Variants in D2HGDH observed in about 807,000 individuals in gnomAD.
The protein encoded by D2HGDH is D-2-hydroxyglutarate dehydrogenase.
Under a neutral mutation model 46.9 loss-of-function variants are expected in D2HGDH, and 31 were observed. The observed-to-expected ratio is 0.66, with a 90% CI of 0.50 to 0.89. The LOEUF is 0.89. D2HGDH is among the 40% of genes least tolerant of loss of function. The pLI is 0.00. For synonymous variants in D2HGDH, 364 were observed against 332.6 expected (o/e 1.09, Z -1.03); for missense variants, 698 against 720.8 (o/e 0.97, Z 0.36).
intron 9 of D2HGDH, among the ~76,000 whole-genome samples, chr2:241,756,605 T>TC (rs1559392550): frequency 6.6e-6 from 1 of 152,234 alleles, no homozygotes; most frequent in Non-Finnish European, 1.5e-5. Context: ...CACTGCAACC[T>TC]CCATCTTCTG....
chr2:241,742,292 C>T lies in D2HGDH; in HGVS notation c.351-143C>T. ...CCTCAGAATCCCTCACATGCGTGGG[C>T]TGGGGAGGAGCCCCCGCTGAGGCTG... On this transcript the variant is annotated intron_variant, in intron 3 of 9. Transcript: ENST00000321264. The surrounding 1 kb of genome is among the most constrained non-coding windows in gnomAD (Gnocchi z 4.8). 1 of 1,127,682 alleles carries T rather than the reference C, an allele frequency of 8.9e-7. No homozygotes were observed. Among genetic ancestry groups the T allele is most frequent in the East Asian group, 2.6e-5 (1 of 38,452 alleles). 69.9% of individuals were successfully genotyped at this position (1,127,682 alleles called of 1,614,324 possible).
At chr2:241,764,770 C>T (rs1445661332) in intron 9 of D2HGDH, among the ~76,000 whole-genome samples, 1 of 152,228 alleles carries the variant, frequency 6.6e-6, no homozygotes, top group Admixed American at 6.5e-5. Flanking sequence ...CCTCGGTGTG[C>T]AGCTCTGCGT....
intron 8 of D2HGDH, among the ~76,000 whole-genome samples, chr2:241,753,616 G>A (rs2125150017): frequency 6.6e-6 from 1 of 152,324 alleles, no homozygotes; most frequent in Middle Eastern, 3.4e-3. Flanking sequence ...GTGTTCAACG[G>A]GGGACACTCA....
intron 2 of D2HGDH, 78 bp from the exon 3 acceptor site, chr2:241,740,955 G>T: frequency 6.5e-6 from 8 of 1,225,306 alleles, no homozygotes; most frequent in South Asian, 1.3e-5. Context: ...AAAAAAACTC[G>T]CTCTCTGGGG....
At chr2:241,741,233 G>T (rs1041019356) in intron 3 of D2HGDH, 143 bp downstream of exon 3, 4 of 783,772 alleles carry the variant, frequency 5.1e-6, no homozygotes, top group African/African-American at 1.7e-5. Context: ...TTGTTCTGTG[G>T]TTTTTCGGTG....
intron 9 of D2HGDH, among the ~76,000 whole-genome samples, chr2:241,759,757 G>A (rs376229862): frequency 5.9e-5 from 9 of 151,944 alleles, no homozygotes; most frequent in African/African-American, 1.2e-4. Context: ...GCTTTTTGCC[G>A]TTTACTAACT....
chr2:241,736,978 T>C (rs373042807), intron 2 of D2HGDH, among the ~76,000 whole-genome samples: 1 of 152,016 alleles, frequency 6.6e-6, no homozygotes, highest in South Asian at 2.1e-4. Context: ...TTTTTCTTTT[T>C]GTTTTTTTGA....
At chr2:241,748,935 C>T (rs990559095) in intron 6 of D2HGDH, 2 of 1,293,422 alleles carry the variant, frequency 1.5e-6, no homozygotes, top group Non-Finnish European at 1.0e-6. Flanking sequence ...CTGCTCTTCG[C>T]ACTCCAGGTC....
At chr2:241,737,388 TC>T (rs1415800554) in intron 2 of D2HGDH, among the ~76,000 whole-genome samples, 1 of 152,262 alleles carries the variant, frequency 6.6e-6, no homozygotes, top group Non-Finnish European at 1.5e-5. Flanking sequence ...GCTCCTCTCC[TC>T]CCACTGCACT....
At chr2:241,755,218 C>A (rs1415430551) in intron 8 of D2HGDH, 1 of 1,290,000 alleles carries the variant, frequency 7.8e-7, no homozygotes, top group Non-Finnish European at 1.0e-6. Context: ...CACGGCCCGC[C>A]CACCGTGTCC....
At chr2:241,755,657 C>T in intron 8 of D2HGDH, 192 bp from the exon 9 acceptor site, 1 of 1,541,462 alleles carries the variant, frequency 6.5e-7, no homozygotes. Context: ...GGGTCAGAGC[C>T]CCTCCTGGTC....
At chr2:241,762,594 TCTC>T (rs1021872269) in intron 9 of D2HGDH, among the ~76,000 whole-genome samples, 10 of 152,100 alleles carry the variant, frequency 6.6e-5, no homozygotes, top group South Asian at 2.1e-4. Flanking sequence ...CTTCCTCTGT[TCTC>T]CTCTTGGAAC....
At chr2:241,751,601 C>T (rs1010940891) in intron 8 of D2HGDH, among the ~76,000 whole-genome samples, 3 of 152,224 alleles carry the variant, frequency 2.0e-5, no homozygotes, top group South Asian at 4.1e-4. Context: ...AAAGTACTTC[C>T]TCCCCACCAT....
At chr2:241,746,594 A>G (rs1269849030) in intron 6 of D2HGDH, among the ~76,000 whole-genome samples, 1 of 152,064 alleles carries the variant, frequency 6.6e-6, no homozygotes. Flanking sequence ...TCTCTACTAA[A>G]AGTACAAAAA....
intron 3 of D2HGDH, among the ~76,000 whole-genome samples, chr2:241,741,883 C>T (rs1047309757): frequency 1.3e-5 from 2 of 151,894 alleles, no homozygotes; most frequent in Non-Finnish European, 2.9e-5. Flanking sequence ...CTTGCTGTCT[C>T]CAGGGTTTAT....
rs1698115070 is a variant in D2HGDH, at chr2:241,755,913, A to G, written c.1205A>G (p.Tyr402Cys). 6.2e-7 allele frequency: 1 copy of G among 1,613,010 alleles called. No individual in the cohort carries two copies. Among genetic ancestry groups the G allele is most frequent in the Non-Finnish European group, 8.5e-7 (1 of 1,179,684 alleles). The change falls in exon 9 of 10, where the codon TAC (tyrosine) becomes TGC (cysteine). Residue 402 changes from tyrosine to cysteine, a missense_variant. By Grantham distance (194) the Tyr-to-Cys change is radical (BLOSUM62 -2). Coordinates refer to ENST00000321264, the MANE Select transcript of D2HGDH (RefSeq NM_152783.5). ...ALSRDGYVYK[Y>C]DLSLPVERLY... ...AGCCGGGATGGCTACGTGTACAAGT[A>G]CGACCTCTCCCTCCCTGTGGAGCGG...
At chr2:241,749,677 C>T in intron 6 of D2HGDH, 1 of 327,296 alleles carries the variant, frequency 3.1e-6, no homozygotes, top group Admixed American at 4.5e-5. Context: ...GATACGCCCC[C>T]TCTGAGTCCC....
intron 9 of D2HGDH, among the ~76,000 whole-genome samples, chr2:241,756,278 C>G (rs1048608731): frequency 2.0e-5 from 3 of 152,254 alleles, no homozygotes; most frequent in Non-Finnish European, 2.9e-5. Flanking sequence ...TCAGAACGTT[C>G]TGGGATCTTC....
intron 6 of D2HGDH, chr2:241,749,186 C>A: frequency 2.3e-6 from 2 of 851,304 alleles, no homozygotes; most frequent in Non-Finnish European, 3.1e-6. Flanking sequence ...ACCGCCAGAC[C>A]CTCCAACACC....
Sources: gnomAD v4.1 joint callset for allele counts (sites outside exome capture counted in the v4.1 genomes callset) on GRCh38, gnomAD v4.1.1 for gene constraint, Gnocchi (gnomAD v3.1) non-coding constraint, MANE v1.5 for transcripts, NCBI Gene and HGNC (gene_info 2026-07-23, HGNC 2026-07-21) for gene names.